Variants in GRIA4 observed in about 807,000 individuals in gnomAD.
GRIA4 encodes glutamate ionotropic receptor AMPA type subunit 4, also known as glutamate receptor 4.
A neutral mutation model predicts 104.0 loss-of-function variants in GRIA4; 34 were observed. The ratio of observed to expected loss-of-function variants is 0.33; its 90% CI spans 0.25 to 0.44. The LOEUF (loss-of-function observed/expected upper bound fraction) is 0.44. Among genes scored for constraint, GRIA4 ranks in the 20% least tolerant of loss-of-function variants. The pLI is 1.00. For synonymous variants in GRIA4, 386 were observed against 381.9 expected (o/e 1.01, Z -0.13); for missense variants, 750 against 1,096.5 (o/e 0.68, Z 4.46).
intron 4 of GRIA4, among the ~76,000 whole-genome samples, chr11:105,805,478 G>GAAAAAAAAAAAAAAAAAAAAACAA (rs57123559): frequency 1.1e-5 from 1 of 92,502 alleles, no homozygotes; most frequent in Non-Finnish European, 2.1e-5. Flanking sequence ...AAGAAATCAG[G>GAAAAAAAAAAAAAAAAAAAAACAA]AAAAAAAAAA....
chr11:105,771,455 T>G (rs961217865), intron 4 of GRIA4, among the ~76,000 whole-genome samples: 2 of 152,048 alleles, frequency 1.3e-5, no homozygotes, highest in Non-Finnish European at 2.9e-5. Flanking sequence ...TTGCCCTAAC[T>G]AAGATTTTGA....
At chr11:105,965,924 A>C (rs754874434) in intron 14 of GRIA4, 17 of 1,503,976 alleles carry the variant, frequency 1.1e-5, no homozygotes, top group Non-Finnish European at 1.4e-5. Context: ...AGTTTCTTAC[A>C]AAATATGTTT....
chr11:105,730,685 G>A (rs1485848323), intron 3 of GRIA4, among the ~76,000 whole-genome samples: 2 of 152,092 alleles, frequency 1.3e-5, no homozygotes, highest in Non-Finnish European at 2.9e-5. Context: ...CACATATATA[G>A]ACCAATGGAA....
intron 3 of GRIA4, among the ~76,000 whole-genome samples, chr11:105,660,248 T>C (rs1034797732): frequency 2.6e-5 from 4 of 151,582 alleles, no homozygotes; most frequent in Non-Finnish European, 5.9e-5. Flanking sequence ...ATAATAAAAT[T>C]AGAAATCAAT....
chr11:105,933,756 C>A lies in GRIA4; in HGVS notation c.2081C>A (p.Thr694Asn). 14 of 1,606,632 alleles carry A rather than the reference C, an allele frequency of 8.7e-6. No individual in the cohort carries two copies. Among genetic ancestry groups the A allele is most frequent in the Non-Finnish European group, 1.2e-5 (14 of 1,174,698 alleles). Residue 694 changes from threonine to asparagine, a missense_variant, in exon 14 of 17, where the codon ACC (threonine) becomes AAC (asparagine). Thr to Asn is a moderately conservative substitution (Grantham distance 65, BLOSUM62 0). This residue lies in a region of GRIA4 where 272 missense variants were observed against 524.5 expected (regional missense o/e 0.52). Transcript: ENST00000282499. ...SKIAVYEKMWTYMRSAEPSVF... is the reference protein window; with the variant it reads ...SKIAVYEKMWNYMRSAEPSVF... ...ATAGCAGTGTATGAAAAGATGTGGA[C>A]CTACATGCGATCAGCAGAGCCATCA...
intron 5 of GRIA4, among the ~76,000 whole-genome samples, chr11:105,864,145 C>T (rs1945325380): frequency 6.6e-6 from 1 of 152,188 alleles, no homozygotes; most frequent in African/African-American, 2.4e-5. Context: ...AAGTCTACTG[C>T]ATTGTGAGAA....
chr11:105,953,397 T>C (rs551824102), intron 14 of GRIA4, among the ~76,000 whole-genome samples: 34 of 152,210 alleles, frequency 2.2e-4, no homozygotes, highest in Non-Finnish European at 4.9e-4. Context: ...ATCTGGAAGA[T>C]GTCATTAATT....
At chr11:105,731,163 A>T (rs2135608389) in intron 3 of GRIA4, among the ~76,000 whole-genome samples, 1 of 152,292 alleles carries the variant, frequency 6.6e-6, no homozygotes, top group East Asian at 1.9e-4. Context: ...TCTACAAGGA[A>T]CTTAAACAAA....
intron 3 of GRIA4, among the ~76,000 whole-genome samples, chr11:105,745,863 A>C (rs960986747): frequency 5.3e-5 from 8 of 152,068 alleles, no homozygotes; most frequent in Non-Finnish European, 8.8e-5. Context: ...TAAGAATGTA[A>C]ACATTTTGTA....
chr11:105,919,283 C>T (rs1239798405), intron 11 of GRIA4, among the ~76,000 whole-genome samples: 2 of 151,906 alleles, frequency 1.3e-5, no homozygotes, highest in Non-Finnish European at 2.9e-5. Context: ...AACAGGTTTC[C>T]TTCAACAATA....
chr11:105,902,733 A>G (rs528714956), intron 7 of GRIA4, among the ~76,000 whole-genome samples: 10 of 152,182 alleles, frequency 6.6e-5, no homozygotes, highest in Non-Finnish European at 1.0e-4. Context: ...GCACAAATCT[A>G]CTGCTCAAAC....
intron 4 of GRIA4, among the ~76,000 whole-genome samples, chr11:105,778,135 G>GA (rs909193848): frequency 4.0e-5 from 6 of 151,556 alleles, no homozygotes; most frequent in South Asian, 4.2e-4. Context: ...CAAATTTCTA[G>GA]AAAAAAAAAT....
chr11:105,803,700 C>A (rs1340721163), intron 4 of GRIA4, among the ~76,000 whole-genome samples: 1 of 151,686 alleles, frequency 6.6e-6, no homozygotes, highest in African/African-American at 2.4e-5. Context: ...CATTGTATAT[C>A]TTCCAGATAA....
intron 3 of GRIA4, among the ~76,000 whole-genome samples, chr11:105,647,730 G>A (rs184690236): frequency 2.6e-5 from 4 of 152,202 alleles, no homozygotes; most frequent in Admixed American, 2.0e-4. Flanking sequence ...ACTTATAAGC[G>A]GGAGCTCAAT....
At chr11:105,797,243 A>C (rs1157492948) in intron 4 of GRIA4, among the ~76,000 whole-genome samples, 1 of 152,114 alleles carries the variant, frequency 6.6e-6, no homozygotes, top group Non-Finnish European at 1.5e-5. Context: ...AATGAAAAGA[A>C]AGAAAAAAAG....
rs1016389954 is a variant in GRIA4 at position 105,920,489 on chromosome 11, C to T, written c.1476+1571C>T. ...AGTTAGTTATGAACAGCATAACTGA[C>T]GTGAGTTACTTTCTGAGGCATTTGT... On this transcript the variant is annotated intron_variant, in intron 11 of 16. Coordinates refer to ENST00000282499, the MANE Select transcript of GRIA4 (RefSeq NM_000829.4). Among the ~76,000 whole-genome samples the T allele has an allele frequency of 2.0e-4, 30 of 152,064 alleles. 1 individual carries two copies. The highest frequency in any genetic ancestry group is 1.8e-3 in the Admixed American group (27 of 15,236).
intron 14 of GRIA4, among the ~76,000 whole-genome samples, chr11:105,948,589 C>CTTTTTTTTTTTTT (rs1383366276): frequency 3.6e-5 from 4 of 111,202 alleles, no homozygotes; most frequent in African/African-American, 1.3e-4. Context: ...CTTTTCTTTT[C>CTTTTTTTTTTTTT]TTTTTGTTTT....
intron 4 of GRIA4, among the ~76,000 whole-genome samples, chr11:105,807,762 T>A (rs1943011134): frequency 6.6e-6 from 1 of 151,804 alleles, no homozygotes; most frequent in African/African-American, 2.4e-5. Context: ...TTTATCTCTG[T>A]CCATTATTAT....
Position 105,624,018 on chromosome 11 carries a change from T to G in GRIA4, c.247+11584T>G, listed in dbSNP as rs73632922. Among the ~76,000 whole-genome samples the G allele has an allele frequency of 7.3e-3, 1,113 of 152,228 alleles. 18 individuals are homozygous for G. The highest frequency in any genetic ancestry group is 0.026 in the African/African-American group (1,067 of 41,548). On this transcript the variant is annotated intron_variant, in intron 3 of 16. Transcript: ENST00000282499. ...TCCTTCAAATAGCTAACACTTTTCC[T>G]GTGTTATATTATCGAAAAATCAAGT... is the stretch of plus-strand genomic sequence containing the variant.
Sources: gnomAD v4.1 joint callset for allele counts (sites outside exome capture counted in the v4.1 genomes callset) on GRCh38, gnomAD v4.1.1 for gene constraint, gnomAD v4.1.1 regional missense constraint, MANE v1.5 for transcripts, NCBI Gene and HGNC (gene_info 2026-07-23, HGNC 2026-07-21) for gene names.